Variants in EME2 observed in about 807,000 individuals in gnomAD.
EME2 encodes the protein essential meiotic structure-specific endonuclease subunit 2, also known as structure-specific endonuclease subunit EME2.
A neutral mutation model predicts 41.9 loss-of-function variants in EME2; 58 were observed. That is an observed-to-expected ratio of 1.38 (90% confidence interval 1.12 to 1.72). The LOEUF is 1.72. Among genes scored for constraint, EME2 ranks in the 40% most tolerant of loss-of-function variants. The pLI is 0.00. For missense variants in EME2, 695 were observed against 541.9 expected (o/e 1.28, Z -2.81); for synonymous variants, 334 against 239.3 (o/e 1.40, Z -3.65).
rs749935317 is a variant in EME2, at chr16:1,781,476, C to G, written c.*5238C>G. ...CCAGGCCCTGCTGTTCCGGGGGCGTCTGGCCATGGTGGAAAGAATCTAGAA... is the reference window on the plus strand; with the variant it reads ...CCAGGCCCTGCTGTTCCGGGGGCGTGTGGCCATGGTGGAAAGAATCTAGAA... On this transcript the variant is annotated 3_prime_UTR_variant, in exon 8 of 8. Transcript: ENST00000568449. The G allele has an allele frequency of 1.9e-6, 3 of 1,612,408 alleles. No homozygotes were observed. Among genetic ancestry groups the G allele is most frequent in the South Asian group, 2.2e-5 (2 of 91,042 alleles).
At position 1,775,615 on chromosome 16, in the gene EME2, T is replaced by C; in HGVS notation, c.710T>C (p.Val237Ala). 2 of 1,612,926 alleles carry C rather than the reference T, an allele frequency of 1.2e-6. No homozygotes were observed. Among genetic ancestry groups the C allele is most frequent in the Non-Finnish European group, 1.7e-6 (2 of 1,180,008 alleles). ...QLWANLDVLL[V>A]ASWQELSRHV... ...TGGGCAAACCTGGACGTGCTACTGG[T>C]GGCCTCTTGGCAGGAGCTGAGTCGG... is the stretch of plus-strand genomic sequence containing the variant. Residue 237 changes from valine (V) to alanine (A), a missense_variant, in exon 6 of 8, where the codon GTG becomes GCG. Transcript: ENST00000568449.
At position 1,777,172 on chromosome 16, in the gene EME2, G is replaced by A. The variant is rs887789110; in HGVS notation, c.*934G>A. ...TGGGGTGGGCGGAGGTCGCTGCCTG[G>A]GGATCGGACACTGGAGCCTTGCGGC... is the stretch of plus-strand genomic sequence containing the variant. On this transcript the variant is annotated 3_prime_UTR_variant, in exon 8 of 8. Coordinates refer to ENST00000568449, the MANE Select transcript of EME2 (RefSeq NM_001257370.2). The A allele has an allele frequency of 6.2e-7, 1 of 1,610,992 alleles. No homozygotes were observed. The highest frequency in any genetic ancestry group is 1.1e-5 in the South Asian group (1 of 91,078).
rs929641538 is a variant in EME2, at chr16:1,773,124, G to C, written c.-104G>C. 2.9e-6 allele frequency: 4 copies of C among 1,390,870 alleles called. No homozygotes were observed. In the African/African-American group the frequency reaches 6.1e-5, roughly 21 times the overall value. The allele number at this position is 1,390,870 out of a possible 1,614,324, so 86.2% of individuals were successfully genotyped here. On this transcript the variant is annotated 5_prime_UTR_variant, in exon 1 of 8. Coordinates refer to ENST00000568449, the MANE Select transcript of EME2 (RefSeq NM_001257370.2). ...ACGCACCTTCTTCCGCGCCATGGCGGGTCCGCGTCCTCAGCGGTCCGGCCG... is the reference window on the plus strand; with the variant it reads ...ACGCACCTTCTTCCGCGCCATGGCGCGTCCGCGTCCTCAGCGGTCCGGCCG...
chr16:1,775,586 G>C lies in EME2; in HGVS notation c.681G>C (p.Gln227His), dbSNP rs1003745212. The C allele has an allele frequency of 1.1e-5, 17 of 1,612,808 alleles. No homozygotes were observed. Among genetic ancestry groups the C allele is most frequent in the African/African-American group, 1.3e-5 (1 of 74,934 alleles). The change falls in exon 6 of 8, where the codon CAG becomes CAC. Residue 227 changes from glutamine (Q) to histidine (H), a missense_variant. By Grantham distance (24) the Gln-to-His change is conservative. Coordinates refer to ENST00000568449, the MANE Select transcript of EME2 (RefSeq NM_001257370.2). The part of the protein sequence containing the change: ...PEVEEALVLL[Q>H]LWANLDVLLV... ...CTCCCCAGGCCCTGGTACTCCTGCA[G>C]CTCTGGGCAAACCTGGACGTGCTAC... is the stretch of plus-strand genomic sequence containing the variant.
At chr16:1,774,142 C>A in intron 2 of EME2, 118 bp from the exon 3 acceptor site, 1 of 912,706 alleles carries the variant, frequency 1.1e-6, no homozygotes, top group Non-Finnish European at 1.7e-6. Context: ...TAGAGCAGGC[C>A]TGTCAGGGCC....
In EME2 at chr16:1,778,633, G is replaced by T; in HGVS notation, c.*2395G>T. The stretch of plus-strand genomic sequence containing the variant: ...CTGTGCTGGGAGAGAAGGGCCGGCT[G>T]TTACTACCTGTTGCCCGCTCTCTAC... On this transcript the variant is annotated 3_prime_UTR_variant, in exon 8 of 8. Coordinates refer to ENST00000568449, the MANE Select transcript of EME2 (RefSeq NM_001257370.2). 2.6e-6 allele frequency: 4 copies of T among 1,528,290 alleles called. No homozygotes were observed. Among genetic ancestry groups the T allele is most frequent in the Non-Finnish European group, 3.5e-6 (4 of 1,138,344 alleles). 94.7% of individuals were successfully genotyped at this position (1,528,290 alleles called of 1,614,324 possible).
Position 1,778,331 on chromosome 16 carries a change from A to G in EME2, c.*2093A>G. The G allele has an allele frequency of 6.2e-7, 1 of 1,611,934 alleles. No individual in the cohort carries two copies. The highest frequency in any genetic ancestry group is 8.5e-7 in the Non-Finnish European group (1 of 1,179,914). On this transcript the variant is annotated 3_prime_UTR_variant, in exon 8 of 8. Transcript: ENST00000568449. ...CAGACCCAGTCGAAATCTGCAAGAG[A>G]GGCCCAGGCTGGGGCAGCCCTGAGA...
In EME2 at chr16:1,775,374, C is replaced by T. The variant is rs1043855549; in HGVS notation, c.629C>T (p.Ala210Val). 3 of 1,610,406 alleles carry T rather than the reference C, an allele frequency of 1.9e-6. No individual in the cohort carries two copies. The highest frequency in any genetic ancestry group is 1.3e-5 in the African/African-American group (1 of 74,920). The change falls in exon 5 of 8, where the codon GCC (alanine) becomes GTC (valine). Residue 210 changes from alanine (A) to valine (V), a missense_variant. Transcript: ENST00000568449. Reference sequence around the variant, plus strand: ...CCAGAGAGCCCGAAGGTGGCCGGTGCCGAGGTGGCCGTCAGCTGGCCGGAG... The same window carrying T: ...CCAGAGAGCCCGAAGGTGGCCGGTGTCGAGGTGGCCGTCAGCTGGCCGGAG... The part of the protein sequence containing the change: ...QQPESPKVAG[A>V]EVAVSWPEVE...
intron 5 of EME2, 46 bp downstream of exon 5, chr16:1,775,454 G>C: frequency 6.2e-7 from 1 of 1,603,700 alleles, no homozygotes; most frequent in Non-Finnish European, 8.5e-7. Context: ...CTGGGTCCCA[G>C]TGATTGGGCT....
chr16:1,774,903 T>A, intron 3 of EME2, 138 bp from the exon 4 acceptor site: 1 of 728,534 alleles, frequency 1.4e-6, no homozygotes, highest in Non-Finnish European at 2.3e-6. Flanking sequence ...TCAGAAGGGG[T>A]AACGGAACAG....
chr16:1,774,189 G>A lies in EME2; in HGVS notation c.385-71G>A, dbSNP rs907295752. 4 of 1,355,314 alleles carry A rather than the reference G, an allele frequency of 3.0e-6. No individual in the cohort carries two copies. The Admixed American group carries it at 5.1e-5, about 17-fold the overall frequency. 84.0% of individuals were successfully genotyped at this position (1,355,314 alleles called of 1,614,324 possible). A position where few individuals can be genotyped will look rare whatever the true frequency, so the allele number is the denominator to read the frequency against. ...GGGGCCACGAACCGCTTTGCTGCTG[G>A]ACTGCCCAGGCAGGGCCCCTGGGGC... On this transcript the variant is annotated intron_variant, in intron 2 of 7. Transcript: ENST00000568449.
chr16:1,777,798 G>A lies in EME2; in HGVS notation c.*1560G>A. 1.2e-6 allele frequency: 2 copies of A among 1,612,924 alleles called. No homozygotes were observed. The highest frequency in any genetic ancestry group is 1.3e-5 in the African/African-American group (1 of 75,042). ...GTGAGTGTGCCGTGCCAGGTGTCCA[G>A]GTGCACGCCAATGATGGAGCCCTGG... is the stretch of plus-strand genomic sequence containing the variant. On this transcript the variant is annotated 3_prime_UTR_variant, in exon 8 of 8. Transcript: ENST00000568449.
chr16:1,773,708 TC>T lies in EME2; in HGVS notation c.253del (p.Leu85TrpfsTer9). 6.5e-7 allele frequency: 1 copy of T among 1,548,762 alleles called. No homozygotes were observed. The highest frequency in any genetic ancestry group is 8.7e-7 in the Non-Finnish European group (1 of 1,147,102). ...KRLAVCVDTA[I>X]LEDAGADVLM... ...CGCTCCTCTCCCCCGGTCCCAGCCA[TC>T]CTGGAAGACGCCGGTGCCGACGTCC... On this transcript the variant is annotated frameshift_variant, in exon 2 of 8. Transcript: ENST00000568449. LOFTEE classifies it high-confidence loss of function.
chr16:1,777,825 C>T lies in EME2; in HGVS notation c.*1587C>T, dbSNP rs1349679150. ...TGCACGCCAATGATGGAGCCCTGGC[C>T]GAACCGCGATGAGAAGCTGGTCTTG... On this transcript the variant is annotated 3_prime_UTR_variant, in exon 8 of 8. Coordinates refer to ENST00000568449, the MANE Select transcript of EME2 (RefSeq NM_001257370.2). 5.0e-6 allele frequency: 8 copies of T among 1,612,740 alleles called. No individual in the cohort carries two copies. Among genetic ancestry groups the T allele is most frequent in the East Asian group, 2.2e-5 (1 of 44,866 alleles).
At chr16:1,775,771 T>A in intron 6 of EME2, 26 bp from the exon 7 acceptor site, 1 of 1,612,238 alleles carries the variant, frequency 6.2e-7, no homozygotes, top group Non-Finnish European at 8.5e-7. Context: ...CACATGAGGT[T>A]CTAAAAGGCT....
Position 1,777,183 on chromosome 16 carries a change from C to T in EME2, c.*945C>T. ...GAGGTCGCTGCCTGGGGATCGGACA[C>T]TGGAGCCTTGCGGCGGCTGCAACTC... On this transcript the variant is annotated 3_prime_UTR_variant, in exon 8 of 8. Coordinates refer to ENST00000568449, the MANE Select transcript of EME2 (RefSeq NM_001257370.2). The T allele has an allele frequency of 1.2e-6, 2 of 1,610,924 alleles. No individual in the cohort carries two copies. Among genetic ancestry groups the T allele is most frequent in the Non-Finnish European group, 1.7e-6 (2 of 1,179,870 alleles).
rs1896653744 is a variant in EME2 at position 1,779,777 on chromosome 16, C to T, written c.*3539C>T. On this transcript the variant is annotated 3_prime_UTR_variant, in exon 8 of 8. Transcript: ENST00000568449. The stretch of plus-strand genomic sequence containing the variant: ...CCATTTGGTGACACAGGACAAGCAG[C>T]ACATGTGTCGAACACTGCCGAGCCC... 1 of 152,332 alleles carries T rather than the reference C, an allele frequency of 6.6e-6. No homozygotes were observed. Among genetic ancestry groups the T allele is most frequent in the African/African-American group, 2.4e-5 (1 of 41,476 alleles). 9.4% of individuals were successfully genotyped at this position (152,332 alleles called of 1,614,324 possible). A position where few individuals can be genotyped will look rare whatever the true frequency, so the allele number is the denominator to read the frequency against.
rs1342524386 is a variant in EME2, at chr16:1,780,219, A to G, written c.*3981A>G. 1 of 152,374 alleles carries G rather than the reference A, an allele frequency of 6.6e-6. No homozygotes were observed. The highest frequency in any genetic ancestry group is 2.4e-5 in the African/African-American group (1 of 41,474). 9.4% of individuals were successfully genotyped at this position (152,374 alleles called of 1,614,324 possible). On this transcript the variant is annotated 3_prime_UTR_variant, in exon 8 of 8. Transcript: ENST00000568449. ...GTGGACACGCCCGCGTCCCACAGCC[A>G]TGACCCTGCGAGGCCAGGAGAGACT... is the stretch of plus-strand genomic sequence containing the variant.
chr16:1,775,552 G>A lies in EME2; in HGVS notation c.664-17G>A, dbSNP rs2042698002. On this transcript the variant is annotated splice_polypyrimidine_tract_variant and intron_variant, in intron 5 of 7. Coordinates refer to ENST00000568449, the MANE Select transcript of EME2 (RefSeq NM_001257370.2). Reference sequence around the variant, plus strand: ...GCCTTCCTCTGGCTCGTGCCCATCAGCTTGCCTCCTCCCCAGGCCCTGGTA... The same window carrying A: ...GCCTTCCTCTGGCTCGTGCCCATCAACTTGCCTCCTCCCCAGGCCCTGGTA... 1 of 1,611,958 alleles carries A rather than the reference G, an allele frequency of 6.2e-7. No homozygotes were observed. Among genetic ancestry groups the A allele is most frequent in the African/African-American group, 1.3e-5 (1 of 75,042 alleles).
Sources: gnomAD v4.1 joint callset for allele counts on GRCh38, gnomAD v4.1.1 for gene constraint, MANE v1.5 for transcripts, NCBI Gene and HGNC (gene_info 2026-07-23, HGNC 2026-07-21) for gene names.